Variants in NXPE4 observed in about 807,000 individuals in gnomAD.
The protein encoded by NXPE4 is neurexophilin and PC-esterase domain family member 4, also known as NXPE family member 4.
A neutral mutation model predicts 33.3 loss-of-function variants in NXPE4; 42 were observed. The ratio of observed to expected loss-of-function variants is 1.26; its 90% confidence interval spans 0.98 to 1.63. The LOEUF is 1.63. Among genes scored for constraint, NXPE4 ranks in the 40% most tolerant of loss-of-function variants. The pLI is 0.00. For synonymous variants in NXPE4, 253 were observed against 234.9 expected, an observed-to-expected ratio of 1.08 and a Z score of -0.71; for missense variants, 709 against 647.6, an observed-to-expected ratio of 1.09 and a Z score of -1.03.
At chr11:114,589,963 T>C (rs1227672513) in intron 2 of NXPE4, among the ~76,000 whole-genome samples, 2 of 152,166 alleles carry the variant, frequency 1.3e-5, no homozygotes, top group African/African-American at 4.8e-5. Flanking sequence ...AACTAAATGG[T>C]TTACAGTCTT....
At position 114,582,330 on chromosome 11, in the gene NXPE4, T is replaced by G. The variant is rs1449622713; in HGVS notation, c.788A>C (p.Lys263Thr). ...ALTHMYSKNK[K>T]VSYLSKQEKS... is the part of the protein sequence containing the mutation. The stretch of plus-strand genomic sequence containing the variant: ...TTCTTGTTTGCTAAGATAAGAAACT[T>G]TCTTGTTCTTAGAATACATGTGAGT... Residue 263 changes from lysine to threonine, a missense_variant, in exon 3 of 6, where the codon AAA becomes ACA. Coordinates refer to ENST00000375478, the MANE Select transcript of NXPE4 (RefSeq NM_001077639.2). 1.9e-5 allele frequency: 30 copies of G among 1,598,970 alleles called. 1 individual carries two copies. Among genetic ancestry groups the G allele is most frequent in the Non-Finnish European group, 2.6e-5 (30 of 1,172,166 alleles).
Position 114,592,163 on chromosome 11 carries a change from T to A in NXPE4, c.96+2501A>T, listed in dbSNP as rs191194470. Among the ~76,000 whole-genome samples, 57 of 152,240 alleles carry A rather than the reference T, an allele frequency of 3.7e-4. 1 individual carries two copies. In the East Asian group the frequency reaches 4.8e-3, roughly 13 times the overall value. ...GTTTTATTCAACATAGTATTGGAAG[T>A]CCTAGCCAGAGCAATTAAGTCAGAG... On this transcript the variant is annotated intron_variant, in intron 2 of 5. Transcript: ENST00000375478.
chr11:114,610,093 A>G, the NXPE4 span, among the ~76,000 whole-genome samples: 34 of 151,932 alleles, frequency 2.2e-4, 1 homozygote, highest in African/African-American at 6.5e-4. Flanking sequence ...TAACTGGTGA[A>G]TAATAAGTGT....
the NXPE4 span, among the ~76,000 whole-genome samples, chr11:114,628,028 G>T: frequency 6.6e-6 from 1 of 151,288 alleles, no homozygotes; most frequent in African/African-American, 2.4e-5. Flanking sequence ...AGCAAGTCCT[G>T]AGTGACCTAC....
chr11:114,615,509 A>C, the NXPE4 span, among the ~76,000 whole-genome samples: 1 of 145,942 alleles, frequency 6.9e-6, no homozygotes, highest in South Asian at 2.2e-4. Context: ...TGGATAATAC[A>C]TGTTGCCTCA....
chr11:114,629,487 C>A, the NXPE4 span, among the ~76,000 whole-genome samples: 1 of 151,318 alleles, frequency 6.6e-6, no homozygotes, highest in African/African-American at 2.4e-5. Flanking sequence ...ATGCTAAAAA[C>A]TCTCAATAAA....
the NXPE4 span, among the ~76,000 whole-genome samples, chr11:114,654,724 T>C: frequency 6.6e-6 from 1 of 152,218 alleles, no homozygotes; most frequent in Non-Finnish European, 1.5e-5. Context: ...CTATCACTGA[T>C]GGACATTTGA....
At position 114,594,733 on chromosome 11, in the gene NXPE4, C is replaced by T. The variant is rs781216673; in HGVS notation, c.27G>A (p.Lys9=). 28 of 1,587,272 alleles carry T rather than the reference C, an allele frequency of 1.8e-5. No homozygotes were observed. In the South Asian group the frequency reaches 3.2e-4, roughly 18 times the overall value. ...ATATAAACAACAGTGCCAATAGTGACTTATAATTTATCATACTTATTTTCA... is the reference window on the plus strand; with the variant it reads ...ATATAAACAACAGTGCCAATAGTGATTTATAATTTATCATACTTATTTTCA... MKISMINY[K]SLLALLFILA... Residue 9 remains lysine, a synonymous_variant, in exon 2 of 6, where the codon AAG becomes AAA. Transcript: ENST00000375478.
chr11:114,677,756 T>C, the NXPE4 span, among the ~76,000 whole-genome samples: 553 of 152,250 alleles, frequency 3.6e-3, 2 homozygotes, highest in African/African-American at 0.013. Flanking sequence ...TCCATATTTA[T>C]ATCTAGATAG....
At chr11:114,630,695 C>T in the NXPE4 span, among the ~76,000 whole-genome samples, 1 of 151,108 alleles carries the variant, frequency 6.6e-6, no homozygotes, top group Non-Finnish European at 1.5e-5. Context: ...AACTAAAGAG[C>T]TTCTGCACAG....
the NXPE4 span, among the ~76,000 whole-genome samples, chr11:114,629,545 C>A: frequency 2.0e-5 from 3 of 151,902 alleles, no homozygotes; most frequent in South Asian, 2.1e-4. Flanking sequence ...CTATCTATGA[C>A]AAACCCACAG....
At chr11:114,671,341 G>A in the NXPE4 span, among the ~76,000 whole-genome samples, 1 of 124,352 alleles carries the variant, frequency 8.0e-6, no homozygotes, top group African/African-American at 2.8e-5. Context: ...GAGGAATTAG[G>A]AGAGGATAGG....
chr11:114,583,496 G>C, intron 2 of NXPE4: 2 of 629,462 alleles, frequency 3.2e-6, no homozygotes, highest in South Asian at 2.8e-5. Context: ...CATCTATCCA[G>C]ATTACGTGTC....
rs1591340310 is a variant in NXPE4, at chr11:114,583,368, A to C, written c.97-347T>G. Reference sequence around the variant, plus strand: ...AATCCTCACTGAATCTGCGTGACTCATAATTTGCTGCTCAACTATGGTTTC... The same window carrying C: ...AATCCTCACTGAATCTGCGTGACTCCTAATTTGCTGCTCAACTATGGTTTC... On this transcript the variant is annotated intron_variant, in intron 2 of 5. Transcript: ENST00000375478. 1.3e-5 allele frequency: 8 copies of C among 624,026 alleles called. No individual in the cohort carries two copies. In the East Asian group the frequency reaches 2.6e-4, roughly 21 times the overall value. The allele number at this position is 624,026 out of a possible 1,614,324, so 38.7% of individuals were successfully genotyped here.
the NXPE4 span, among the ~76,000 whole-genome samples, chr11:114,639,822 T>C: frequency 8.5e-6 from 1 of 117,470 alleles, no homozygotes; most frequent in African/African-American, 3.5e-5. Context: ...ATATAAAATA[T>C]AATATATATT....
chr11:114,634,917 T>C, the NXPE4 span, among the ~76,000 whole-genome samples: 1 of 152,062 alleles, frequency 6.6e-6, no homozygotes, highest in African/African-American at 2.4e-5. Flanking sequence ...AGCTTTGTTC[T>C]TTTGGCTTAG....
At chr11:114,616,916 T>A in the NXPE4 span, among the ~76,000 whole-genome samples, 1 of 146,618 alleles carries the variant, frequency 6.8e-6, no homozygotes, top group Non-Finnish European at 1.5e-5. Flanking sequence ...GTAACCACTG[T>A]TACCTGGTGG....
At chr11:114,579,163 T>C (rs1166781076) in intron 5 of NXPE4, among the ~76,000 whole-genome samples, 1 of 152,140 alleles carries the variant, frequency 6.6e-6, no homozygotes, top group Non-Finnish European at 1.5e-5. Context: ...GGAGCCAGTG[T>C]GTCACATGGT....
chr11:114,635,373 A>G, the NXPE4 span, among the ~76,000 whole-genome samples: 3 of 150,396 alleles, frequency 2.0e-5, no homozygotes, highest in Admixed American at 6.7e-5. Context: ...GGCTGAGACA[A>G]TGGGGTTTTC....
Sources: gnomAD v4.1 joint callset for allele counts (sites outside exome capture counted in the v4.1 genomes callset) on GRCh38, gnomAD v4.1.1 for gene constraint, MANE v1.5 for transcripts, NCBI Gene and HGNC (gene_info 2026-07-23, HGNC 2026-07-21) for gene names.